Variants in LRP1B observed in about 807,000 individuals in gnomAD.
LRP1B encodes LDL receptor related protein 1B, also known as low-density lipoprotein receptor-related protein 1B.
In LRP1B, 217 loss-of-function variants were observed where a neutral mutation model predicts 556.6. That is an observed-to-expected ratio of 0.39 (90% CI 0.35 to 0.44). LRP1B has a LOEUF of 0.44. Ranked by LOEUF, LRP1B falls within the 20% of genes least tolerant of loss-of-function variation. The pLI, the probability that LRP1B is intolerant of heterozygous loss-of-function variation, is 1.00. For synonymous variants in LRP1B, 2,047 were observed against 1,865.8 expected (o/e 1.10, Z -2.50); for missense variants, 5,053 against 5,620.8 (o/e 0.90, Z 3.23).
intron 35 of LRP1B, among the ~76,000 whole-genome samples, chr2:140,759,378 T>C (rs1438029843): frequency 1.3e-5 from 2 of 152,192 alleles, no homozygotes; most frequent in South Asian, 2.1e-4. Context: ...TCAAGTTATA[T>C]TTCTGGTTCC....
intron 2 of LRP1B, among the ~76,000 whole-genome samples, chr2:141,599,689 G>T (rs866029013): frequency 2.2e-4 from 33 of 152,202 alleles, no homozygotes; most frequent in Admixed American, 6.6e-4. Flanking sequence ...ATGTCTCCAT[G>T]TCAGATCTGT....
intron 2 of LRP1B, among the ~76,000 whole-genome samples, chr2:141,488,736 G>C (rs1683210086): frequency 6.6e-6 from 1 of 151,928 alleles, no homozygotes; most frequent in Admixed American, 6.6e-5. Flanking sequence ...GGAATTACAA[G>C]CATGAGCCCC....
chr2:141,193,015 A>T (rs192714258), intron 6 of LRP1B, among the ~76,000 whole-genome samples: 18 of 152,136 alleles, frequency 1.2e-4, no homozygotes, highest in Admixed American at 2.6e-4. Context: ...TTGTTATATT[A>T]TGAGGCAAGT....
At chr2:140,292,440 C>T (rs1300477245) in intron 84 of LRP1B, among the ~76,000 whole-genome samples, 2 of 152,036 alleles carry the variant, frequency 1.3e-5, no homozygotes, top group South Asian at 2.1e-4. Context: ...ATATGCTGTT[C>T]CCTCTTTGCA....
intron 27 of LRP1B, among the ~76,000 whole-genome samples, chr2:140,854,770 T>C (rs1435880359): frequency 6.6e-6 from 1 of 152,150 alleles, no homozygotes; most frequent in Admixed American, 6.5e-5. Context: ...AAAAACCACA[T>C]GGCCCACAAA....
intron 20 of LRP1B, 38 bp from the exon 21 acceptor site, chr2:140,923,185 C>A (rs780943779): frequency 6.7e-6 from 10 of 1,485,318 alleles, no homozygotes; most frequent in Admixed American, 5.6e-5. Flanking sequence ...CAGAGGGGGG[C>A]AAGACAGGAG....
chr2:141,090,053 G>T (rs940356098), intron 7 of LRP1B, among the ~76,000 whole-genome samples: 1 of 152,158 alleles, frequency 6.6e-6, no homozygotes, highest in Non-Finnish European at 1.5e-5. Flanking sequence ...CCCCATTAGG[G>T]TCCTGTGTGG....
In LRP1B at chr2:140,324,003, T is replaced by C; in HGVS notation, c.12404A>G (p.Asn4135Ser). 1 of 1,609,458 alleles carries C rather than the reference T, an allele frequency of 6.2e-7. No individual in the cohort carries two copies. Among genetic ancestry groups the C allele is most frequent in the South Asian group, 1.1e-5 (1 of 90,976 alleles). Reference protein sequence around the residue: ...EDYIYGAGPKNGVFRVQKFGH... With the variant: ...EDYIYGAGPKSGVFRVQKFGH... Reference sequence around the variant, plus strand: ...AAATTTTTGAACTCGAAATACACCATTTTTAGGTCCTGCTCCATATATATA... The same window carrying C: ...AAATTTTTGAACTCGAAATACACCACTTTTAGGTCCTGCTCCATATATATA... The change falls in exon 81 of 91, where the codon AAT becomes AGT. Residue 4135 changes from asparagine (N) to serine (S), a missense_variant. Physicochemically the swap from Asn to Ser is conservative, Grantham distance 46 (BLOSUM62 1). Coordinates refer to ENST00000389484, the MANE Select transcript of LRP1B (RefSeq NM_018557.3).
rs561942234 is a variant in LRP1B, at chr2:141,300,918, A to G, written c.344-46277T>C. Among the ~76,000 whole-genome samples, 3 of 152,320 alleles carry G rather than the reference A, an allele frequency of 2.0e-5. No homozygotes were observed. The East Asian group carries it at 5.8e-4, about 29-fold the overall frequency. ...GTGTTGAGAGAATGAACAGTGTTAT[A>G]TGATGTCTGGAAAAAGAATATTCTA... On this transcript the variant is annotated intron_variant, in intron 3 of 90. Coordinates refer to ENST00000389484, the MANE Select transcript of LRP1B (RefSeq NM_018557.3).
intron 1 of LRP1B, among the ~76,000 whole-genome samples, chr2:141,887,796 T>A (rs904657038): frequency 6.6e-6 from 1 of 152,224 alleles, no homozygotes; most frequent in Non-Finnish European, 1.5e-5. Flanking sequence ...TAGTTATACT[T>A]GCCATGGGAA....
intron 37 of LRP1B, among the ~76,000 whole-genome samples, chr2:140,704,124 T>A (rs1271426351): frequency 6.6e-6 from 1 of 152,166 alleles, no homozygotes; most frequent in Non-Finnish European, 1.5e-5. Flanking sequence ...ACCAACAGTG[T>A]TTAAGCATTC....
At chr2:141,128,401 T>C (rs1359301771) in intron 7 of LRP1B, among the ~76,000 whole-genome samples, 7 of 152,152 alleles carry the variant, frequency 4.6e-5, no homozygotes, top group Admixed American at 1.3e-4. Context: ...CTCTGATTCA[T>C]CCTGTACTGA....
intron 1 of LRP1B, among the ~76,000 whole-genome samples, chr2:142,013,130 T>A (rs913610859): frequency 2.6e-5 from 4 of 152,176 alleles, no homozygotes; most frequent in Admixed American, 2.6e-4. Flanking sequence ...CTTTGAATGC[T>A]AAAATAACTT....
intron 3 of LRP1B, among the ~76,000 whole-genome samples, chr2:141,316,756 T>A (rs1348676994): frequency 6.6e-6 from 1 of 152,236 alleles, no homozygotes; most frequent in Non-Finnish European, 1.5e-5. Context: ...GTTGACCATC[T>A]TTTGATGTGG....
In LRP1B at chr2:141,929,942, A is replaced by C. The variant is rs535014454; in HGVS notation, c.83-119541T>G. On this transcript the variant is annotated intron_variant, in intron 1 of 90. Transcript: ENST00000389484. ...AAAAAAAAAAAAAAAAAAAAAAGAC[A>C]GTTAATGCAGCACAAGAATCCCAGA... Among the ~76,000 whole-genome samples, 289 of 149,164 alleles carry C rather than the reference A, an allele frequency of 1.9e-3. 3 individuals carry two copies. Among genetic ancestry groups the C allele is most frequent in the Non-Finnish European group, 3.4e-3 (225 of 67,150 alleles).
At chr2:141,038,168 G>A (rs1166672333) in intron 11 of LRP1B, among the ~76,000 whole-genome samples, 1 of 151,902 alleles carries the variant, frequency 6.6e-6, no homozygotes, top group Non-Finnish European at 1.5e-5. Flanking sequence ...GCTGGGAGGG[G>A]TGGGAAAATA....
At chr2:141,384,016 C>G (rs1689738372) in intron 3 of LRP1B, among the ~76,000 whole-genome samples, 1 of 152,064 alleles carries the variant, frequency 6.6e-6, no homozygotes, top group South Asian at 2.1e-4. Flanking sequence ...CACACTCACA[C>G]ACAAAAAAGC....
At chr2:141,755,008 A>G (rs1397952137) in intron 2 of LRP1B, among the ~76,000 whole-genome samples, 1 of 152,082 alleles carries the variant, frequency 6.6e-6, no homozygotes, top group African/African-American at 2.4e-5. Context: ...TTATATATAT[A>G]TAAAAGGAAA....
intron 3 of LRP1B, among the ~76,000 whole-genome samples, chr2:141,464,905 A>C (rs1478561796): frequency 2.0e-5 from 3 of 151,930 alleles, no homozygotes; most frequent in Non-Finnish European, 4.4e-5. Flanking sequence ...AATTAAAAGG[A>C]AAACTAAAAC....
Sources: gnomAD v4.1 joint callset for allele counts (sites outside exome capture counted in the v4.1 genomes callset) on GRCh38, gnomAD v4.1.1 for gene constraint, MANE v1.5 for transcripts, NCBI Gene and HGNC (gene_info 2026-07-23, HGNC 2026-07-21) for gene names.